Variants in GABRB3 observed in about 807,000 individuals in gnomAD.
GABRB3 encodes gamma-aminobutyric acid type A receptor subunit beta3.
A neutral mutation model predicts 52.1 loss-of-function variants in GABRB3; 14 were observed. That is an observed-to-expected ratio of 0.27 (90% confidence interval 0.18 to 0.42). The LOEUF (loss-of-function observed/expected upper bound fraction) is 0.42. Among genes scored for constraint, GABRB3 ranks in the 10% least tolerant of loss-of-function variants. The pLI is 1.00. For synonymous variants in GABRB3, 260 were observed against 232.3 expected (o/e 1.12, Z -1.08); for missense variants, 307 against 609.1 (o/e 0.50, Z 5.22).
chr15:26,563,695 G>A (rs1302981346), intron 7 of GABRB3, among the ~76,000 whole-genome samples: 4 of 152,128 alleles, frequency 2.6e-5, no homozygotes, highest in Admixed American at 1.3e-4. Flanking sequence ...TCATTCTTCG[G>A]TAGCCTCTAG....
chr15:26,554,203 A>ATATATATATATATATATTTATT (rs1889663374), intron 8 of GABRB3, among the ~76,000 whole-genome samples: 1 of 45,786 alleles, frequency 2.2e-5, no homozygotes, highest in Non-Finnish European at 5.9e-5. Context: ...ATATATATAT[A>ATATATATATATATATATTTATT]TATATAGTAG....
At chr15:26,596,872 G>T (rs1183780287) in intron 4 of GABRB3, among the ~76,000 whole-genome samples, 2 of 152,284 alleles carry the variant, frequency 1.3e-5, no homozygotes, top group Admixed American at 6.5e-5. Flanking sequence ...AGTGATGGAG[G>T]TTGGTAAGTC....
chr15:26,756,352 G>A (rs1404656577), intron 3 of GABRB3, among the ~76,000 whole-genome samples: 2 of 150,874 alleles, frequency 1.3e-5, no homozygotes, highest in Admixed American at 6.6e-5. Context: ...GGTGGATCAC[G>A]AGCCCAGGAG....
At chr15:26,634,035 C>T (rs1390721871) in intron 3 of GABRB3, among the ~76,000 whole-genome samples, 1 of 152,192 alleles carries the variant, frequency 6.6e-6, no homozygotes, top group Non-Finnish European at 1.5e-5. Context: ...ATTCCCTTTG[C>T]AGCCTCCTTT....
chr15:26,680,702 C>T (rs1282303797), intron 3 of GABRB3, among the ~76,000 whole-genome samples: 1 of 152,202 alleles, frequency 6.6e-6, no homozygotes, highest in African/African-American at 2.4e-5. Flanking sequence ...TTTTTAGCTA[C>T]TGACTCCATA....
chr15:26,699,974 T>C (rs1888873394), intron 3 of GABRB3, among the ~76,000 whole-genome samples: 1 of 150,884 alleles, frequency 6.6e-6, no homozygotes, highest in African/African-American at 2.4e-5. Flanking sequence ...CCAAAGTTAG[T>C]AGAGGAAAGA....
chr15:26,659,852 T>A (rs903108110), intron 3 of GABRB3, among the ~76,000 whole-genome samples: 2 of 152,154 alleles, frequency 1.3e-5, no homozygotes, highest in Admixed American at 1.3e-4. Flanking sequence ...AAGCATCTTG[T>A]TGCCAGTATT....
At chr15:26,673,756 TAA>T (rs1405509648) in intron 3 of GABRB3, among the ~76,000 whole-genome samples, 1 of 152,202 alleles carries the variant, frequency 6.6e-6, no homozygotes, top group Non-Finnish European at 1.5e-5. Flanking sequence ...CCATCACGCA[TAA>T]ATCTAGAAAT....
At chr15:26,568,767 G>A (rs758375322) in intron 6 of GABRB3, among the ~76,000 whole-genome samples, 24 of 149,788 alleles carry the variant, frequency 1.6e-4, no homozygotes, top group Non-Finnish European at 3.1e-4. Context: ...CACCCACCTC[G>A]GCCTCCCAAA....
chr15:26,580,347 C>G lies in GABRB3; in HGVS notation c.654G>C (p.Leu218=), dbSNP rs547179899. 26 of 1,614,144 alleles carry G rather than the reference C, an allele frequency of 1.6e-5. No individual in the cohort carries two copies. In the South Asian group the frequency reaches 2.9e-4, roughly 18 times the overall value. Residue 218 remains leucine, a synonymous_variant, in exon 6 of 9, where the codon CTG becomes CTC. Coordinates refer to ENST00000311550, the MANE Select transcript of GABRB3 (RefSeq NM_000814.6). ...LPQFSIVEHR[L]VSRNVVFATG... is the part of the protein sequence containing the mutation. ...TGGCGAAGACAACATTCCTCGAGAC[C>G]AGACGGTGCTCCACGATGGAGAACT...
At chr15:26,716,483 G>A in intron 3 of GABRB3, 1 of 537,206 alleles carries the variant, frequency 1.9e-6, no homozygotes, top group Non-Finnish European at 2.4e-6. Context: ...CTTCACAATT[G>A]CCATGAAGAA....
chr15:26,598,803 C>T (rs1891484542), intron 4 of GABRB3, among the ~76,000 whole-genome samples: 1 of 152,182 alleles, frequency 6.6e-6, no homozygotes, highest in African/African-American at 2.4e-5. Flanking sequence ...AGGCAGAGGT[C>T]ATAGTCACCA....
intron 3 of GABRB3, among the ~76,000 whole-genome samples, chr15:26,690,592 G>A (rs532312667): frequency 6.6e-5 from 10 of 151,922 alleles, no homozygotes; most frequent in Non-Finnish European, 1.0e-4. Flanking sequence ...TAGAGCTGGT[G>A]ATGGGTAGTG....
chr15:26,717,859 A>G (rs1889537752), intron 3 of GABRB3, among the ~76,000 whole-genome samples: 1 of 152,348 alleles, frequency 6.6e-6, no homozygotes, highest in South Asian at 2.1e-4. Context: ...TTCCAAAGCC[A>G]TTTGCCTCTT....
intron 6 of GABRB3, among the ~76,000 whole-genome samples, chr15:26,578,981 C>T (rs1016329929): frequency 2.0e-5 from 3 of 152,216 alleles, no homozygotes; most frequent in African/African-American, 7.2e-5. Flanking sequence ...ATCTGCAAGA[C>T]CTCTTGAGGT....
intron 3 of GABRB3, among the ~76,000 whole-genome samples, chr15:26,754,768 G>C (rs1385884407): frequency 3.3e-5 from 5 of 152,100 alleles, no homozygotes; most frequent in Admixed American, 3.3e-4. Flanking sequence ...ACGACACAAA[G>C]GAGGACCCCT....
At chr15:26,549,508 G>T (rs1217223101) in intron 8 of GABRB3, among the ~76,000 whole-genome samples, 1 of 152,152 alleles carries the variant, frequency 6.6e-6, no homozygotes, top group Non-Finnish European at 1.5e-5. Flanking sequence ...GTGGTCATCA[G>T]GGTAATGGCC....
intron 4 of GABRB3, among the ~76,000 whole-genome samples, chr15:26,605,902 G>C (rs984815244): frequency 6.6e-6 from 1 of 152,124 alleles, no homozygotes; most frequent in African/African-American, 2.4e-5. Flanking sequence ...GGCTGTACAG[G>C]AAATATTGCT....
chr15:26,659,915 C>A (rs952422404), intron 3 of GABRB3, among the ~76,000 whole-genome samples: 1 of 152,030 alleles, frequency 6.6e-6, no homozygotes, highest in Non-Finnish European at 1.5e-5. Context: ...GGAGTGGCAA[C>A]TAACAGAAGG....
Sources: gnomAD v4.1 joint callset for allele counts (sites outside exome capture counted in the v4.1 genomes callset) on GRCh38, gnomAD v4.1.1 for gene constraint, MANE v1.5 for transcripts, NCBI Gene and HGNC (gene_info 2026-07-23, HGNC 2026-07-21) for gene names.